Variants in FBXO11 observed in about 807,000 individuals in gnomAD.
The protein encoded by FBXO11 is F-box protein 11.
In FBXO11, 13 loss-of-function variants were observed where a neutral mutation model predicts 117.0. The observed-to-expected ratio is 0.11, with a 90% confidence interval of 0.07 to 0.18. The LOEUF is 0.18. Among genes scored for constraint, FBXO11 ranks in the 10% least tolerant of loss-of-function variants. The pLI, the probability that FBXO11 is intolerant of heterozygous loss-of-function variation, is 1.00. For synonymous variants in FBXO11, 490 were observed against 380.5 expected, an observed-to-expected ratio of 1.29 and a Z score of -3.35; for missense variants, 767 against 1,164.4, an observed-to-expected ratio of 0.66 and a Z score of 4.97.
chr2:47,829,843 T>C (rs933826175), intron 11 of FBXO11, among the ~76,000 whole-genome samples: 5 of 152,074 alleles, frequency 3.3e-5, no homozygotes, highest in Admixed American at 2.0e-4. Context: ...TTAAACAAAA[T>C]TGGCCATGAA....
intron 1 of FBXO11, among the ~76,000 whole-genome samples, chr2:47,902,285 A>C (rs893284402): frequency 6.6e-6 from 1 of 152,254 alleles, no homozygotes; most frequent in African/African-American, 2.4e-5. Context: ...GGAATTTAAG[A>C]AATTAAAAAA....
chr2:47,811,982 T>C lies in FBXO11; in HGVS notation c.2227+1252A>G, dbSNP rs74563637. ...ACCTTTTCACACCCTTATGCTATCATTTTAGTTTAGGCTCTCATTATTTAT... is the reference window on the plus strand; with the variant it reads ...ACCTTTTCACACCCTTATGCTATCACTTTAGTTTAGGCTCTCATTATTTAT... On this transcript the variant is annotated intron_variant, in intron 18 of 22. Transcript: ENST00000403359. Among the ~76,000 whole-genome samples the C allele has an allele frequency of 4.7e-5, 7 of 149,388 alleles. No homozygotes were observed. In the East Asian group the frequency reaches 1.4e-3, roughly 31 times the overall value.
chr2:47,879,624 T>A (rs1228271405), intron 1 of FBXO11, among the ~76,000 whole-genome samples: 1 of 152,228 alleles, frequency 6.6e-6, no homozygotes, highest in African/African-American at 2.4e-5. Flanking sequence ...TCCAAGTACT[T>A]ACTGCATGTA....
intron 1 of FBXO11, among the ~76,000 whole-genome samples, chr2:47,885,808 C>T (rs1005197178): frequency 1.3e-5 from 2 of 152,122 alleles, no homozygotes; most frequent in African/African-American, 4.8e-5. Flanking sequence ...CCTGATAAAT[C>T]TTCTATGGCC....
intron 1 of FBXO11, among the ~76,000 whole-genome samples, chr2:47,843,946 G>T (rs1251210589): frequency 6.6e-6 from 1 of 152,016 alleles, no homozygotes; most frequent in African/African-American, 2.4e-5. Context: ...TCACTATGTT[G>T]GCCAGGATGG....
chr2:47,876,828 G>T (rs1237848372), intron 1 of FBXO11, among the ~76,000 whole-genome samples: 2 of 151,998 alleles, frequency 1.3e-5, no homozygotes, highest in Non-Finnish European at 2.9e-5. Flanking sequence ...TTATCTCACT[G>T]AATACTGTTT....
chr2:47,850,403 G>T (rs1451986088), intron 1 of FBXO11, among the ~76,000 whole-genome samples: 4 of 152,144 alleles, frequency 2.6e-5, no homozygotes, highest in Non-Finnish European at 4.4e-5. Context: ...ATAAATAAGA[G>T]AATTTTGTCA....
intron 1 of FBXO11, among the ~76,000 whole-genome samples, chr2:47,845,619 A>T (rs1320124328): frequency 1.3e-5 from 2 of 152,120 alleles, no homozygotes; most frequent in African/African-American, 4.8e-5. Flanking sequence ...CTGAATATAT[A>T]CCGTATATAC....
In FBXO11 at chr2:47,906,084, G is replaced by A; in HGVS notation, c.-364C>T. 3.8e-6 allele frequency: 1 copy of A among 261,968 alleles called. No homozygotes were observed. The allele number at this position is 261,968 out of a possible 1,614,324, so 16.2% of individuals were successfully genotyped here. A position where few individuals can be genotyped will look rare whatever the true frequency, so the allele number is the denominator to read the frequency against. On this transcript the variant is annotated 5_prime_UTR_variant, in exon 1 of 23. Coordinates refer to ENST00000403359, the MANE Select transcript of FBXO11 (RefSeq NM_001190274.2). ...GGCGAAGCGCGGCGGCGGCGGCGGC[G>A]GCGGCTGAAGAGACAGATCCCGGTC...
At chr2:47,822,645 T>C (rs536772217) in intron 12 of FBXO11, among the ~76,000 whole-genome samples, 7 of 152,182 alleles carry the variant, frequency 4.6e-5, no homozygotes, top group African/African-American at 1.2e-4. Context: ...AAATAATTCA[T>C]AGTGTCTGAT....
Position 47,808,314 on chromosome 2 carries a change from A to C in FBXO11, c.2654+15T>G. 2.5e-6 allele frequency: 4 copies of C among 1,612,536 alleles called. No homozygotes were observed. Among genetic ancestry groups the C allele is most frequent in the Non-Finnish European group, 3.4e-6 (4 of 1,179,378 alleles). ...AAAGTAATTGGGTAATATATCAAGCAAGTGTGCTACATACCTATCATGTCT... is the reference window on the plus strand; with the variant it reads ...AAAGTAATTGGGTAATATATCAAGCCAGTGTGCTACATACCTATCATGTCT... On this transcript the variant is annotated intron_variant, in intron 22 of 22. Transcript: ENST00000403359.
chr2:47,901,279 G>T (rs566263090), intron 1 of FBXO11, among the ~76,000 whole-genome samples: 6 of 151,232 alleles, frequency 4.0e-5, no homozygotes, highest in Non-Finnish European at 7.4e-5. Flanking sequence ...GCTCAGAGTA[G>T]AAATGAATAG....
chr2:47,809,333 A>G, intron 20 of FBXO11, 67 bp from the exon 21 acceptor site: 1 of 1,033,784 alleles, frequency 9.7e-7, no homozygotes. Context: ...CAAAGATTAT[A>G]GGATTATTCT....
chr2:47,890,994 T>A (rs544287323), intron 1 of FBXO11, among the ~76,000 whole-genome samples: 8,262 of 130,950 alleles, frequency 0.063, 240 homozygotes, highest in Non-Finnish European at 0.084. Flanking sequence ...TTTTTTTTTT[T>A]AATTTTTTTT....
chr2:47,906,360 A>G lies in FBXO11; in HGVS notation c.-640T>C, dbSNP rs1678814919. On this transcript the variant is annotated 5_prime_UTR_variant, in exon 1 of 23. Transcript: ENST00000403359. ...GGAAATGAGTGTGAAGGGAGGAGAT[A>G]GGGGGAAAAAGAGGCGTCGTCCTTC... Among the ~76,000 whole-genome samples, 1 of 151,816 alleles carries G rather than the reference A, an allele frequency of 6.6e-6. No individual in the cohort carries two copies. The highest frequency in any genetic ancestry group is 6.5e-5 in the Admixed American group (1 of 15,268).
chr2:47,899,303 T>A (rs1360967266), intron 1 of FBXO11, among the ~76,000 whole-genome samples: 1 of 151,206 alleles, frequency 6.6e-6, no homozygotes, highest in Admixed American at 6.6e-5. Flanking sequence ...AGAATTGGTA[T>A]AAGCTTCAAC....
intron 1 of FBXO11, among the ~76,000 whole-genome samples, chr2:47,857,989 G>C (rs755459890): frequency 7.9e-5 from 12 of 152,058 alleles, no homozygotes; most frequent in Admixed American, 2.0e-4. Context: ...TACCAAAGTA[G>C]ATGAAATATC....
rs184927699 is a variant in FBXO11, at chr2:47,887,673, C to A, written c.232+17816G>T. Among the ~76,000 whole-genome samples, 17 of 152,120 alleles carry A rather than the reference C, an allele frequency of 1.1e-4. No individual in the cohort carries two copies. In the East Asian group the frequency reaches 2.9e-3, roughly 26 times the overall value. On this transcript the variant is annotated intron_variant, in intron 1 of 22. Coordinates refer to ENST00000403359, the MANE Select transcript of FBXO11 (RefSeq NM_001190274.2). ...CCCAGGAGTTCAAGGCCATTCTGGG[C>A]AACATGGTGAAATCTCGTCTTTACA...
chr2:47,842,091 C>T (rs143794562), intron 1 of FBXO11, among the ~76,000 whole-genome samples: 25 of 151,944 alleles, frequency 1.6e-4, no homozygotes, highest in African/African-American at 5.8e-4. Flanking sequence ...TCTCGGCTCA[C>T]TGCAACCTCC....
Sources: allele counts gnomAD v4.1 joint callset (sites outside exome capture counted in the v4.1 genomes callset), GRCh38; gene constraint gnomAD v4.1.1; transcripts MANE v1.5; gene names NCBI Gene and HGNC (gene_info 2026-07-23, HGNC 2026-07-21).